MMACHC: variants seen among roughly 807,000 people sequenced by gnomAD.
The protein encoded by MMACHC is metabolism of cobalamin associated C.
A neutral mutation model predicts 17.6 loss-of-function variants in MMACHC; 14 were observed. That is an observed-to-expected ratio of 0.80 (90% CI 0.53 to 1.25). MMACHC has a LOEUF of 1.25. MMACHC is among the 50% of genes most tolerant of loss of function. The probability of loss-of-function intolerance (pLI) is 0.00; values close to 1 mark genes in which losing one functional copy is unlikely to be tolerated. For synonymous variants in MMACHC, 151 were observed against 142.1 expected, an observed-to-expected ratio of 1.06 and a Z score of -0.45; for missense variants, 392 against 364.5, an observed-to-expected ratio of 1.08 and a Z score of -0.62.
rs181919544 is a variant in MMACHC, at chr1:45,505,712, G to A, written c.82-1644G>A. 3.4e-3 allele frequency among the ~76,000 whole-genome samples: 513 copies of A among 152,164 alleles called. 1 individual carries two copies. The highest frequency in any genetic ancestry group is 5.5e-3 in the Non-Finnish European group (374 of 67,984). ...AGGTCAGGAGATCGAGACCACCCTGGCCAACATGGTGAAACCTCATCTCTA... is the reference window on the plus strand; with the variant it reads ...AGGTCAGGAGATCGAGACCACCCTGACCAACATGGTGAAACCTCATCTCTA... On this transcript the variant is annotated intron_variant, in intron 1 of 3. Coordinates refer to ENST00000401061, the MANE Select transcript of MMACHC (RefSeq NM_015506.3).
Position 45,505,118 on chromosome 1 carries a change from T to TAAAA in MMACHC, c.82-2222_82-2219dup, listed in dbSNP as rs71052893. Reference sequence around the variant, plus strand: ...GGGCGACAGTGAGACTGTATACATTTAAAAAAAAAAAAAAAAAAAGGGCCG... The same window carrying TAAAA: ...GGGCGACAGTGAGACTGTATACATTTAAAAAAAAAAAAAAAAAAAAAAAGGGCCG... On this transcript the variant is annotated intron_variant, in intron 1 of 3. Coordinates refer to ENST00000401061, the MANE Select transcript of MMACHC (RefSeq NM_015506.3). Among the ~76,000 whole-genome samples the TAAAA allele has an allele frequency of 1.7e-3, 199 of 119,350 alleles. 1 individual carries two copies. The highest frequency in any genetic ancestry group is 3.1e-3 in the South Asian group (10 of 3,248). The allele number at this position is 119,350 out of a possible 152,430, so 78.3% of individuals were successfully genotyped here. A position where few individuals can be genotyped will look rare whatever the true frequency, so the allele number is the denominator to read the frequency against.
rs886046378 is a variant in MMACHC, at chr1:45,510,215, A to C, written c.*1000A>C. 1 of 152,162 alleles carries C rather than the reference A, an allele frequency of 6.6e-6. No individual in the cohort carries two copies. Among genetic ancestry groups the C allele is most frequent in the East Asian group, 1.9e-4 (1 of 5,190 alleles). The allele number at this position is 152,162 out of a possible 1,614,324, so 9.4% of individuals were successfully genotyped here. A position where few individuals can be genotyped will look rare whatever the true frequency, so the allele number is the denominator to read the frequency against. ...CCCTGGGAATTCTGTACTGCTGCTC[A>C]TGGGTGTAGTCGGTTCTAGAGGGGT... On this transcript the variant is annotated 3_prime_UTR_variant, in exon 4 of 4. Coordinates refer to ENST00000401061, the MANE Select transcript of MMACHC (RefSeq NM_015506.3).
intron 1 of MMACHC, among the ~76,000 whole-genome samples, chr1:45,503,786 G>A (rs1417759371): frequency 6.6e-6 from 1 of 152,208 alleles, no homozygotes; most frequent in Non-Finnish European, 1.5e-5. Context: ...AGCCTGTGTA[G>A]ACCTGTGTCA....
At position 45,509,242 on chromosome 1, in the gene MMACHC, T is replaced by C. The variant is rs2149324159; in HGVS notation, c.*27T>C. On this transcript the variant is annotated 3_prime_UTR_variant, in exon 4 of 4. Coordinates refer to ENST00000401061, the MANE Select transcript of MMACHC (RefSeq NM_015506.3). ...TTTCTCCCATGTGGACCCTGATTTATGGTGGTACTTGCTAGGACTTAATTG... is the reference window on the plus strand; with the variant it reads ...TTTCTCCCATGTGGACCCTGATTTACGGTGGTACTTGCTAGGACTTAATTG... 2 of 1,613,662 alleles carry C rather than the reference T, an allele frequency of 1.2e-6. No individual in the cohort carries two copies. Among genetic ancestry groups the C allele is most frequent in the South Asian group, 1.1e-5 (1 of 91,072 alleles).
chr1:45,503,563 G>C (rs544596659), intron 1 of MMACHC, among the ~76,000 whole-genome samples: 1 of 150,800 alleles, frequency 6.6e-6, no homozygotes, highest in South Asian at 2.1e-4. Context: ...AGCCTCCTGA[G>C]TAGCTGAGAT....
intron 1 of MMACHC, among the ~76,000 whole-genome samples, chr1:45,503,001 G>A (rs893017908): frequency 3.3e-5 from 5 of 150,834 alleles, no homozygotes; most frequent in Non-Finnish European, 5.9e-5. Context: ...CACCATGCCC[G>A]GCCACAAGGA....
Position 45,508,982 on chromosome 1 carries a change from C to CG in MMACHC, c.619dup (p.Asp207GlyfsTer38), listed in dbSNP as rs765913293. On this transcript the variant is annotated frameshift_variant, in exon 4 of 4. Transcript: ENST00000401061. LOFTEE classifies it low-confidence loss of function (END_TRUNC). ...TTTCCACTGGCGTGATTGGACTTAC[C>CG]GGGATGCTGTGACACCCCAGGAGCG... is the stretch of plus-strand genomic sequence containing the variant. 20 of 1,614,050 alleles carry CG rather than the reference C, an allele frequency of 1.2e-5. No homozygotes were observed. The highest frequency in any genetic ancestry group is 1.7e-5 in the Non-Finnish European group (20 of 1,180,034).
chr1:45,507,502 T>A lies in MMACHC; in HGVS notation c.228T>A (p.Thr76=). 6.2e-7 allele frequency: 1 copy of A among 1,614,194 alleles called. No homozygotes were observed. Among genetic ancestry groups the A allele is most frequent in the Non-Finnish European group, 8.5e-7 (1 of 1,180,018 alleles). Residue 76 remains threonine (T), a synonymous_variant, in exon 2 of 4, where the codon ACT becomes ACA. Transcript: ENST00000401061. ...FLQSCHLRML[T]DPVDQCVAYH... ...AGAGCTGCCACCTCCGAATGCTGACTGACCCAGTGGACCAGTGTGTGGCCT... is the reference window on the plus strand; with the variant it reads ...AGAGCTGCCACCTCCGAATGCTGACAGACCCAGTGGACCAGTGTGTGGCCT...
At chr1:45,500,443 C>G (rs1287305634) in intron 1 of MMACHC, 30 bp downstream of exon 1, 1 of 1,606,904 alleles carries the variant, frequency 6.2e-7, no homozygotes, top group Admixed American at 1.7e-5. Context: ...TGTTCTAGGG[C>G]GAAATATATG....
rs956334104 is a variant in MMACHC, at chr1:45,512,079, T to G, written c.*2864T>G. 7.3e-5 allele frequency: 10 copies of G among 136,678 alleles called. No individual in the cohort carries two copies. The highest frequency in any genetic ancestry group is 6.7e-4 in the Admixed American group (9 of 13,340). 8.5% of individuals were successfully genotyped at this position (136,678 alleles called of 1,614,324 possible). ...TAATCTCTTATTTTTCTTTTTTTTT[T>G]TTTTTTTTTTTTTTTTTGAGATGGA... On this transcript the variant is annotated 3_prime_UTR_variant, in exon 4 of 4. Transcript: ENST00000401061.
Position 45,500,315 on chromosome 1 carries a change from C to T in MMACHC, c.-18C>T. On this transcript the variant is annotated 5_prime_UTR_variant, in exon 1 of 4. Transcript: ENST00000401061. ...TTGAGACTTCATTCCCCAGCAAGCT[C>T]AGCGTGTAACGTGCGCTATGGAGCC... 1 of 1,613,902 alleles carries T rather than the reference C, an allele frequency of 6.2e-7. No individual in the cohort carries two copies. The highest frequency in any genetic ancestry group is 1.3e-5 in the African/African-American group (1 of 75,042).
intron 1 of MMACHC, among the ~76,000 whole-genome samples, chr1:45,500,913 A>T (rs1305565633): frequency 6.7e-6 from 1 of 149,526 alleles, no homozygotes; most frequent in Non-Finnish European, 1.5e-5. Flanking sequence ...ACCTTTTGCC[A>T]CCATATAATG....
intron 1 of MMACHC, 28 bp downstream of exon 1, chr1:45,500,441 G>A (rs988248425): frequency 1.2e-6 from 2 of 1,610,168 alleles, no homozygotes; most frequent in African/African-American, 2.7e-5. Context: ...GCTGTTCTAG[G>A]GCGAAATATA....
rs1570839986 is a variant in MMACHC at position 45,511,564 on chromosome 1, G to A, written c.*2349G>A. On this transcript the variant is annotated 3_prime_UTR_variant, in exon 4 of 4. Transcript: ENST00000401061. The stretch of plus-strand genomic sequence containing the variant: ...CTTAGATCATTCACCCTTTTAGTAT[G>A]AGCTAACCATTTTACAAACATATAA... The A allele has an allele frequency of 2.0e-6, 1 of 494,414 alleles. No individual in the cohort carries two copies. Among genetic ancestry groups the A allele is most frequent in the Non-Finnish European group, 3.6e-6 (1 of 280,522 alleles). The allele number at this position is 494,414 out of a possible 1,614,324, so 30.6% of individuals were successfully genotyped here.
In MMACHC at chr1:45,512,612, G is replaced by T. The variant is rs1192367911; in HGVS notation, c.*3397G>T. ...GGCTGTACATGTTCCAGTGGGATGG[G>T]AAGCAGCAGAGACCAACAGAGTCTG... On this transcript the variant is annotated 3_prime_UTR_variant, in exon 4 of 4. Coordinates refer to ENST00000401061, the MANE Select transcript of MMACHC (RefSeq NM_015506.3). The T allele has an allele frequency of 6.6e-6, 1 of 151,972 alleles. No homozygotes were observed. The highest frequency in any genetic ancestry group is 1.5e-5 in the Non-Finnish European group (1 of 68,006). The allele number at this position is 151,972 out of a possible 1,614,324, so 9.4% of individuals were successfully genotyped here.
Position 45,512,949 on chromosome 1 carries a change from C to T in MMACHC, c.*3734C>T, listed in dbSNP as rs1363952684. On this transcript the variant is annotated 3_prime_UTR_variant, in exon 4 of 4. Transcript: ENST00000401061. The stretch of plus-strand genomic sequence containing the variant: ...GCTAGCCAAGCTAGCACCTTTGGGT[C>T]TTCCCAAACATACACCACTAATCCA... The T allele has an allele frequency of 1.3e-5, 2 of 152,186 alleles. No homozygotes were observed. The highest frequency in any genetic ancestry group is 2.9e-5 in the Non-Finnish European group (2 of 68,060). The allele number at this position is 152,186 out of a possible 1,614,324, so 9.4% of individuals were successfully genotyped here. A position where few individuals can be genotyped will look rare whatever the true frequency, so the allele number is the denominator to read the frequency against.
intron 2 of MMACHC, 72 bp from the exon 3 acceptor site, chr1:45,508,140 C>G: frequency 1.9e-6 from 3 of 1,573,830 alleles, no homozygotes; most frequent in South Asian, 2.2e-5. Flanking sequence ...ACAAAACAAA[C>G]TAGGGCTCCC....
rs1211767102 is a variant in MMACHC at position 45,510,521 on chromosome 1, TAA to T, written c.*1311_*1312del. ...ACCACTCTGGGCAACATAATGACAC[TAA>T]AAAAGACTATCTCTAATCAAGGCTA... On this transcript the variant is annotated 3_prime_UTR_variant, in exon 4 of 4. Coordinates refer to ENST00000401061, the MANE Select transcript of MMACHC (RefSeq NM_015506.3). 6.6e-6 allele frequency: 1 copy of T among 152,118 alleles called. No individual in the cohort carries two copies. Among genetic ancestry groups the T allele is most frequent in the Non-Finnish European group, 1.5e-5 (1 of 68,064 alleles). The allele number at this position is 152,118 out of a possible 1,614,324, so 9.4% of individuals were successfully genotyped here. A position where few individuals can be genotyped will look rare whatever the true frequency, so the allele number is the denominator to read the frequency against.
rs369862108 is a variant in MMACHC at position 45,513,064 on chromosome 1, G to A, written c.*3849G>A. 2 of 152,114 alleles carry A rather than the reference G, an allele frequency of 1.3e-5. No individual in the cohort carries two copies. Among genetic ancestry groups the A allele is most frequent in the African/African-American group, 4.8e-5 (2 of 41,396 alleles). The allele number at this position is 152,114 out of a possible 1,614,324, so 9.4% of individuals were successfully genotyped here. A position where few individuals can be genotyped will look rare whatever the true frequency, so the allele number is the denominator to read the frequency against. ...GTCTGGGCTGGGCGCAATGGCTCAGGGGAGGCGGAGGTTGCAGTGAGCCAA... is the reference window on the plus strand; with the variant it reads ...GTCTGGGCTGGGCGCAATGGCTCAGAGGAGGCGGAGGTTGCAGTGAGCCAA... On this transcript the variant is annotated 3_prime_UTR_variant, in exon 4 of 4. Coordinates refer to ENST00000401061, the MANE Select transcript of MMACHC (RefSeq NM_015506.3).
Sources: allele counts gnomAD v4.1 joint callset (sites outside exome capture counted in the v4.1 genomes callset), GRCh38; gene constraint gnomAD v4.1.1; transcripts MANE v1.5; gene names NCBI Gene and HGNC (gene_info 2026-07-23, HGNC 2026-07-21).